CACNG2: variants seen among roughly 807,000 people sequenced by gnomAD.
CACNG2 encodes the protein calcium voltage-gated channel auxiliary subunit gamma 2.
In CACNG2, 3 loss-of-function variants were observed where a neutral mutation model predicts 25.9. That is an observed-to-expected ratio of 0.12 (90% CI 0.05 to 0.30). CACNG2 has a LOEUF of 0.30. Among genes scored for constraint, CACNG2 ranks in the 10% least tolerant of loss-of-function variants. The pLI is 1.00. For missense variants in CACNG2, 341 were observed against 432.5 expected (o/e 0.79, Z 1.88); for synonymous variants, 167 against 173.3 (o/e 0.96, Z 0.29).
intron 1 of CACNG2, among the ~76,000 whole-genome samples, chr22:36,625,920 C>A (rs547298028): frequency 1.2e-4 from 19 of 152,154 alleles, no homozygotes; most frequent in South Asian, 1.0e-3. Flanking sequence ...TGCATTGACA[C>A]CTTTTTTTTG....
chr22:36,697,764 G>A (rs1937358661), intron 1 of CACNG2, among the ~76,000 whole-genome samples: 1 of 152,228 alleles, frequency 6.6e-6, no homozygotes, highest in Admixed American at 6.5e-5. Flanking sequence ...GTTTGTGAAA[G>A]AGTAGAAGGT....
chr22:36,649,358 C>T (rs890538572), intron 1 of CACNG2, among the ~76,000 whole-genome samples: 2 of 151,706 alleles, frequency 1.3e-5, no homozygotes, highest in Non-Finnish European at 2.9e-5. Context: ...GCGGTGTGAT[C>T]TCGGCTCACT....
chr22:36,593,315 G>A (rs149271064), intron 1 of CACNG2, among the ~76,000 whole-genome samples: 48 of 152,356 alleles, frequency 3.2e-4, no homozygotes, highest in Admixed American at 5.9e-4. Flanking sequence ...GATAACGGGA[G>A]CAGCATTGGA....
rs1569049850 is a variant in CACNG2, at chr22:36,679,193, C to CTTTCTTT, written c.211+23172_211+23173insAAAGAAA. On this transcript the variant is annotated intron_variant, in intron 1 of 3. Coordinates refer to ENST00000300105, the MANE Select transcript of CACNG2 (RefSeq NM_006078.5). ...TCCTTCCTTCCTTCCTTCCTTCCTT[C>CTTTCTTT]CTTCCTTTCTTTCTTTCTTTCTTTC... Among the ~76,000 whole-genome samples, 138 of 49,220 alleles carry CTTTCTTT rather than the reference C, an allele frequency of 2.8e-3. 1 individual carries two copies. Among genetic ancestry groups the CTTTCTTT allele is most frequent in the African/African-American group, 8.5e-3 (101 of 11,844 alleles). The allele number at this position is 49,220 out of a possible 152,430, so 32.3% of individuals were successfully genotyped here.
At chr22:36,697,977 G>T (rs1397736586) in intron 1 of CACNG2, among the ~76,000 whole-genome samples, 1 of 152,006 alleles carries the variant, frequency 6.6e-6, no homozygotes, top group East Asian at 1.9e-4. Flanking sequence ...TGAATAATTT[G>T]CCTTCACTGT....
intron 1 of CACNG2, among the ~76,000 whole-genome samples, chr22:36,664,111 A>C (rs1372429617): frequency 6.6e-6 from 1 of 152,066 alleles, no homozygotes; most frequent in Non-Finnish European, 1.5e-5. Flanking sequence ...CAAAACCTAT[A>C]TTATGCAAGC....
chr22:36,603,255 T>G (rs544977695), intron 1 of CACNG2, among the ~76,000 whole-genome samples: 19 of 152,328 alleles, frequency 1.2e-4, no homozygotes, highest in African/African-American at 4.6e-4. Context: ...CTAACTCTCT[T>G]CAATTGTATG....
chr22:36,645,381 C>G (rs1459489202), intron 1 of CACNG2, among the ~76,000 whole-genome samples: 1 of 151,676 alleles, frequency 6.6e-6, no homozygotes, highest in East Asian at 1.9e-4. Context: ...ACTAAAAATA[C>G]AAAAAATTAG....
intron 2 of CACNG2, among the ~76,000 whole-genome samples, chr22:36,568,037 A>G (rs1935157970): frequency 6.6e-6 from 1 of 151,976 alleles, no homozygotes; most frequent in Non-Finnish European, 1.5e-5. Context: ...TTTAGTAGAG[A>G]TGGGGTTTCA....
chr22:36,594,290 G>A (rs533316597), intron 1 of CACNG2, among the ~76,000 whole-genome samples: 2 of 152,214 alleles, frequency 1.3e-5, no homozygotes, highest in Admixed American at 1.3e-4. Flanking sequence ...AAGACAGATA[G>A]TACAGAACTT....
At chr22:36,625,028 A>AT (rs1386559022) in intron 1 of CACNG2, among the ~76,000 whole-genome samples, 15 of 140,594 alleles carry the variant, frequency 1.1e-4, no homozygotes, top group Non-Finnish European at 2.3e-4. Context: ...CTCTGTCTCA[A>AT]AAAAAAAAAA....
chr22:36,581,898 A>G (rs751093429), intron 2 of CACNG2, among the ~76,000 whole-genome samples: 2 of 152,132 alleles, frequency 1.3e-5, no homozygotes, highest in Non-Finnish European at 2.9e-5. Context: ...CTCTAACTGA[A>G]TATGTCTGAT....
intron 1 of CACNG2, among the ~76,000 whole-genome samples, chr22:36,663,796 A>T (rs1261611635): frequency 6.6e-6 from 1 of 152,146 alleles, no homozygotes; most frequent in Non-Finnish European, 1.5e-5. Flanking sequence ...AGGCAGCCCT[A>T]ACCCAGCTCC....
At chr22:36,617,842 G>C (rs559905924) in intron 1 of CACNG2, among the ~76,000 whole-genome samples, 2 of 151,152 alleles carry the variant, frequency 1.3e-5, no homozygotes, top group African/African-American at 4.9e-5. Context: ...GGAAAATTAG[G>C]TGAAATAAAT....
intron 1 of CACNG2, among the ~76,000 whole-genome samples, chr22:36,686,042 A>C (rs924011700): frequency 1.3e-5 from 2 of 152,232 alleles, no homozygotes; most frequent in Non-Finnish European, 2.9e-5. Flanking sequence ...GAGGAGACAG[A>C]TACTTGAAAA....
chr22:36,587,371 G>C, intron 2 of CACNG2, 94 bp downstream of exon 2: 1 of 891,204 alleles, frequency 1.1e-6, no homozygotes, highest in Non-Finnish European at 1.9e-6. Context: ...GCTGTGATGA[G>C]GGCCTCTAGG....
intron 2 of CACNG2, among the ~76,000 whole-genome samples, chr22:36,576,590 G>A (rs982599475): frequency 4.0e-5 from 6 of 151,372 alleles, no homozygotes; most frequent in African/African-American, 1.2e-4. Flanking sequence ...GTGTGTGTGT[G>A]TATGTGTGTG....
At chr22:36,667,806 C>T (rs1569046286) in intron 1 of CACNG2, among the ~76,000 whole-genome samples, 1 of 152,178 alleles carries the variant, frequency 6.6e-6, no homozygotes, top group Non-Finnish European at 1.5e-5. Context: ...GTGTGCCTGA[C>T]AGAGCTATGC....
At chr22:36,693,519 G>A (rs1937293916) in intron 1 of CACNG2, among the ~76,000 whole-genome samples, 1 of 152,182 alleles carries the variant, frequency 6.6e-6, no homozygotes, top group South Asian at 2.1e-4. Flanking sequence ...GACCTAGACA[G>A]TGGAAAAGCC....
Sources: gnomAD v4.1 joint callset for allele counts (sites outside exome capture counted in the v4.1 genomes callset) on GRCh38, gnomAD v4.1.1 for gene constraint, MANE v1.5 for transcripts, NCBI Gene and HGNC (gene_info 2026-07-23, HGNC 2026-07-21) for gene names.